The following CTSO variants were observed in gnomAD, a reference collection of about 807,000 sequenced individuals.
CTSO encodes the protein cathepsin O.
CTSO carries 40 observed loss-of-function variants against 42.4 expected under a neutral mutation model. That is an observed-to-expected ratio of 0.94 (90% CI 0.73 to 1.23). CTSO has a LOEUF of 1.23. CTSO is among the 50% of genes most tolerant of loss of function. CTSO has a pLI of 0.00. For synonymous variants in CTSO, 156 were observed against 146.2 expected, an observed-to-expected ratio of 1.07 and a Z score of -0.48; for missense variants, 441 against 396.0, an observed-to-expected ratio of 1.11 and a Z score of -0.96.
At chr4:155,944,630 T>C (rs543743400) in intron 1 of CTSO, among the ~76,000 whole-genome samples, 2 of 152,246 alleles carry the variant, frequency 1.3e-5, no homozygotes, top group Admixed American at 6.5e-5. Context: ...CTTCTTTCTA[T>C]AGGGAGTTTA....
rs192218663 is a variant in CTSO at position 155,942,872 on chromosome 4, G to A, written c.244+284C>T. 3.3e-5 allele frequency among the ~76,000 whole-genome samples: 5 copies of A among 152,174 alleles called. No individual in the cohort carries two copies. In the East Asian group the frequency reaches 9.6e-4, roughly 29 times the overall value. ...CCCATGGAACCATGTGTGTCCTGAA[G>A]AGAAAAAGCACTAGAAAACTGCAGA... On this transcript the variant is annotated intron_variant, in intron 2 of 7. Coordinates refer to ENST00000433477, the MANE Select transcript of CTSO (RefSeq NM_001334.3).
At chr4:155,943,071 T>C in intron 2 of CTSO, 85 bp downstream of exon 2, 1 of 815,688 alleles carries the variant, frequency 1.2e-6, no homozygotes, top group African/African-American at 1.7e-5. Context: ...ACTCAATATA[T>C]TAGATTTACA....
chr4:155,948,558 G>A (rs1367968324), intron 1 of CTSO, among the ~76,000 whole-genome samples: 2 of 152,202 alleles, frequency 1.3e-5, no homozygotes, highest in East Asian at 1.9e-4. Flanking sequence ...GAGTAGTCAT[G>A]AAACATCCCA....
At chr4:155,946,447 G>A (rs1743548664) in intron 1 of CTSO, among the ~76,000 whole-genome samples, 1 of 152,010 alleles carries the variant, frequency 6.6e-6, no homozygotes, top group African/African-American at 2.4e-5. Flanking sequence ...CAGTTACTTG[G>A]TTTTGGTCTT....
intron 7 of CTSO, among the ~76,000 whole-genome samples, chr4:155,927,087 T>C (rs1162393602): frequency 6.6e-6 from 1 of 152,188 alleles, no homozygotes; most frequent in Non-Finnish European, 1.5e-5. Flanking sequence ...TATATTTCTG[T>C]GATGTTGACT....
In CTSO at chr4:155,944,010, C is replaced by A. The variant is rs548843421; in HGVS notation, c.136-746G>T. Among the ~76,000 whole-genome samples the A allele has an allele frequency of 2.1e-3, 323 of 152,222 alleles. 1 individual carries two copies. The highest frequency in any genetic ancestry group is 3.3e-3 in the Non-Finnish European group (223 of 67,994). On this transcript the variant is annotated intron_variant, in intron 1 of 7. Coordinates refer to ENST00000433477, the MANE Select transcript of CTSO (RefSeq NM_001334.3). ...ATTTCAGGGGGCTATCATTTGGTAC[C>A]TTTCCAACCCTAGCGCTTCTACATA...
rs199672156 is a variant in CTSO at position 155,939,514 on chromosome 4, C to T, written c.409G>A (p.Val137Met). Residue 137 changes from valine (V) to methionine (M), a missense_variant, in exon 4 of 8, where the codon GTG becomes ATG. Physicochemically the swap from Val to Met is conservative, Grantham distance 21. Transcript: ENST00000433477. ...QMCGGCWAFS[V>M]VGAVESAYAI... The stretch of plus-strand genomic sequence containing the variant: ...TAAGCAGATTCCACTGCCCCCACCA[C>T]GCTGAAGGCCCAGCATCCTCCACAC... The T allele has an allele frequency of 2.8e-4, 456 of 1,613,850 alleles. No individual in the cohort carries two copies. Among genetic ancestry groups the T allele is most frequent in the Non-Finnish European group, 3.3e-4 (392 of 1,179,838 alleles).
Position 155,928,528 on chromosome 4 carries a change from G to A in CTSO, c.839-100C>T. 5.2e-6 allele frequency: 4 copies of A among 770,748 alleles called. No individual in the cohort carries two copies. The South Asian group carries it at 5.7e-5, about 11-fold the overall frequency. The allele number at this position is 770,748 out of a possible 1,614,324, so 47.7% of individuals were successfully genotyped here. A position where few individuals can be genotyped will look rare whatever the true frequency, so the allele number is the denominator to read the frequency against. On this transcript the variant is annotated intron_variant, in intron 6 of 7. Transcript: ENST00000433477. The stretch of plus-strand genomic sequence containing the variant: ...AGTTGGATTCTTGCTAAGGATAGTA[G>A]CTCTGAGAAGAAGATTAAAAATGTA...
At position 155,925,931 on chromosome 4, in the gene CTSO, A is replaced by G. The variant is rs1163867702; in HGVS notation, c.*105T>C. On this transcript the variant is annotated 3_prime_UTR_variant, in exon 8 of 8. Transcript: ENST00000433477. ...ACTACTAGGCCTTAGAATCTTTTGT[A>G]GGTAGTTGCTGAAACTTGAAGTTGA... 2 of 930,738 alleles carry G rather than the reference A, an allele frequency of 2.1e-6. No homozygotes were observed. The highest frequency in any genetic ancestry group is 2.5e-5 in the Admixed American group (1 of 40,070). The allele number at this position is 930,738 out of a possible 1,614,324, so 57.7% of individuals were successfully genotyped here. A position where few individuals can be genotyped will look rare whatever the true frequency, so the allele number is the denominator to read the frequency against.
chr4:155,947,647 T>G (rs1461214754), intron 1 of CTSO, among the ~76,000 whole-genome samples: 3 of 152,250 alleles, frequency 2.0e-5, no homozygotes, highest in Non-Finnish European at 4.4e-5. Flanking sequence ...TGTATTTCAT[T>G]TCTTGAATTA....
chr4:155,942,579 T>C, intron 2 of CTSO, 123 bp from the exon 3 acceptor site: 1 of 336,154 alleles, frequency 3.0e-6, no homozygotes, highest in Non-Finnish European at 4.6e-6. Context: ...AGACAACCAA[T>C]ATTATACTAA....
intron 1 of CTSO, among the ~76,000 whole-genome samples, chr4:155,948,671 C>T (rs1743591087): frequency 6.6e-6 from 1 of 152,158 alleles, no homozygotes; most frequent in Admixed American, 6.5e-5. Flanking sequence ...GGTTAGGCTG[C>T]AGTTTTAAAA....
intron 6 of CTSO, among the ~76,000 whole-genome samples, chr4:155,928,962 C>T (rs971510484): frequency 2.6e-5 from 4 of 152,138 alleles, no homozygotes; most frequent in East Asian, 1.9e-4. Flanking sequence ...GTGACATGTT[C>T]GTGATGGCCA....
chr4:155,926,217 G>A, intron 7 of CTSO, 147 bp from the exon 8 acceptor site: 1 of 590,986 alleles, frequency 1.7e-6, no homozygotes, highest in Non-Finnish European at 2.9e-6. Context: ...ATGTAAACAT[G>A]GTATCATCAA....
chr4:155,937,245 A>G, intron 5 of CTSO, 117 bp downstream of exon 5: 1 of 657,504 alleles, frequency 1.5e-6, no homozygotes, highest in Non-Finnish European at 2.5e-6. Context: ...TCTAGTAAAA[A>G]GTATGTTTTA....
At chr4:155,927,723 C>T (rs549514823) in intron 7 of CTSO, among the ~76,000 whole-genome samples, 5 of 151,712 alleles carry the variant, frequency 3.3e-5, no homozygotes, top group East Asian at 1.9e-4. Context: ...TGCAGTGAGC[C>T]GAGATCATGC....
chr4:155,934,026 A>G (rs1743284935), intron 5 of CTSO, among the ~76,000 whole-genome samples: 1 of 152,192 alleles, frequency 6.6e-6, no homozygotes, highest in Non-Finnish European at 1.5e-5. Context: ...CATGGGGAAA[A>G]TGTCTTCAGG....
intron 1 of CTSO, among the ~76,000 whole-genome samples, chr4:155,945,432 T>A (rs1743524860): frequency 1.3e-5 from 2 of 152,120 alleles, no homozygotes; most frequent in Admixed American, 6.6e-5. Flanking sequence ...ATGGACAAAC[T>A]TTTTGCAAGG....
chr4:155,939,832 T>A (rs541064503), intron 3 of CTSO, among the ~76,000 whole-genome samples: 2 of 152,342 alleles, frequency 1.3e-5, no homozygotes, highest in African/African-American at 4.8e-5. Context: ...TAACTGATGA[T>A]CTTCTAAAAG....
Sources: gnomAD v4.1 joint callset for allele counts (sites outside exome capture counted in the v4.1 genomes callset) on GRCh38, gnomAD v4.1.1 for gene constraint, MANE v1.5 for transcripts, NCBI Gene and HGNC (gene_info 2026-07-23, HGNC 2026-07-21) for gene names.